Variants in CIT observed in about 807,000 individuals in gnomAD.
CIT encodes the protein citron Rho-interacting kinase.
A neutral mutation model predicts 272.7 loss-of-function variants in CIT; 79 were observed. The ratio of observed to expected loss-of-function variants is 0.29; its 90% CI spans 0.24 to 0.35. The LOEUF (loss-of-function observed/expected upper bound fraction) is 0.35, where lower values mean the gene tolerates loss of function less well. Among genes scored for constraint, CIT ranks in the 10% least tolerant of loss-of-function variants. The pLI, the probability that CIT is intolerant of heterozygous loss-of-function variation, is 1.00. For synonymous variants in CIT, 948 were observed against 995.6 expected, an observed-to-expected ratio of 0.95 and a Z score of 0.90; for missense variants, 1,909 against 2,618.3, an observed-to-expected ratio of 0.73 and a Z score of 5.91.
At chr12:119,695,367 G>T (rs1056549554) in intron 46 of CIT, among the ~76,000 whole-genome samples, 1 of 152,078 alleles carries the variant, frequency 6.6e-6, no homozygotes, top group Admixed American at 6.6e-5. Context: ...GCGACGCTCC[G>T]TGGAAAAGAC....
intron 22 of CIT, among the ~76,000 whole-genome samples, chr12:119,754,902 C>A (rs1055454928): frequency 6.6e-6 from 1 of 152,212 alleles, no homozygotes. Flanking sequence ...CTAAGAGGAA[C>A]ATTTGTGCAA....
At chr12:119,711,737 C>G (rs1220490016) in intron 37 of CIT, among the ~76,000 whole-genome samples, 2 of 152,206 alleles carry the variant, frequency 1.3e-5, no homozygotes, top group Non-Finnish European at 2.9e-5. Context: ...CTCACTGCAG[C>G]CTCAAACTCC....
intron 26 of CIT, among the ~76,000 whole-genome samples, chr12:119,733,383 A>T (rs1275869385): frequency 6.6e-6 from 1 of 152,000 alleles, no homozygotes; most frequent in Non-Finnish European, 1.5e-5. Flanking sequence ...ACAAAAAAAA[A>T]ATTAGCCGGG....
intron 9 of CIT, among the ~76,000 whole-genome samples, chr12:119,806,878 C>T (rs1269635239): frequency 1.3e-5 from 2 of 152,078 alleles, no homozygotes; most frequent in Non-Finnish European, 2.9e-5. Context: ...TGAAAGGAAC[C>T]AAACTGAACT....
Position 119,782,590 on chromosome 12 carries a change from C to G in CIT, c.1593G>C (p.Glu531Asp). ...GGAGAAGCTGCAGTGCTTTGTCATC[C>G]TCCTGGGACACCTCCATCCGTGCTT... ...LEQARMEVSQ[E>D]DDKALQLLHD... Residue 531 changes from glutamate (E) to aspartate (D), a missense_variant, in exon 13 of 48, where the codon GAG (glutamate) becomes GAC (aspartate). Transcript: ENST00000392521. The G allele has an allele frequency of 1.2e-6, 2 of 1,614,200 alleles. No individual in the cohort carries two copies. Among genetic ancestry groups the G allele is most frequent in the Non-Finnish European group, 1.7e-6 (2 of 1,180,038 alleles).
chr12:119,726,887 TA>T (rs2137187655), intron 28 of CIT, among the ~76,000 whole-genome samples: 2 of 152,330 alleles, frequency 1.3e-5, no homozygotes, highest in Non-Finnish European at 2.9e-5. Context: ...GGGATGGGTT[TA>T]GAAGATCAGT....
Position 119,710,388 on chromosome 12 carries a change from T to C in CIT, c.4936-2A>G, listed in dbSNP as rs768442945. 1 of 1,614,116 alleles carries C rather than the reference T, an allele frequency of 6.2e-7. No individual in the cohort carries two copies. Among genetic ancestry groups the C allele is most frequent in the Non-Finnish European group, 8.5e-7 (1 of 1,180,012 alleles). On this transcript the variant is annotated splice_acceptor_variant, in intron 38 of 47. Coordinates refer to ENST00000392521, the MANE Select transcript of CIT (RefSeq NM_001206999.2). LOFTEE classifies it high-confidence loss of function. This position sits in a 1 kb window ranked among gnomAD's most constrained non-coding sequence, Gnocchi z 5.6. Reference sequence around the variant, plus strand: ...TTCCTCGGTGCCCACCAACACCACCTGCAAGGGCAGAAGTCCGAAGGCAGA... The same window carrying C: ...TTCCTCGGTGCCCACCAACACCACCCGCAAGGGCAGAAGTCCGAAGGCAGA...
Position 119,718,587 on chromosome 12 carries a change from C to T in CIT, c.4003+112G>A, listed in dbSNP as rs910895246. 8.2e-6 allele frequency: 12 copies of T among 1,458,258 alleles called. No homozygotes were observed. Among genetic ancestry groups the T allele is most frequent in the African/African-American group, 5.6e-5 (4 of 71,424 alleles). The allele number at this position is 1,458,258 out of a possible 1,614,324, so 90.3% of individuals were successfully genotyped here. Reference sequence around the variant, plus strand: ...AGACATGGGATGTCTGGTCTGAAAGCGTATGGGCCATAAACGAAGACACTG... The same window carrying T: ...AGACATGGGATGTCTGGTCTGAAAGTGTATGGGCCATAAACGAAGACACTG... On this transcript the variant is annotated intron_variant, in intron 31 of 47. Transcript: ENST00000392521. This position sits in a 1 kb window ranked among gnomAD's most constrained non-coding sequence, Gnocchi z 4.8.
chr12:119,773,674 C>T (rs141142200), intron 16 of CIT, among the ~76,000 whole-genome samples: 25 of 152,246 alleles, frequency 1.6e-4, no homozygotes, highest in African/African-American at 3.1e-4. Context: ...CTCAGGAGTT[C>T]GCCTCAGCCT....
chr12:119,698,183 T>G (rs1956335623), intron 44 of CIT, 129 bp from the exon 45 acceptor site: 1 of 780,338 alleles, frequency 1.3e-6, no homozygotes, highest in Non-Finnish European at 2.2e-6. Context: ...CAAATACATA[T>G]CTATGCGCCA....
At chr12:119,702,884 T>C (rs1956671485) in intron 41 of CIT, among the ~76,000 whole-genome samples, 1 of 152,170 alleles carries the variant, frequency 6.6e-6, no homozygotes, top group Admixed American at 6.5e-5. Flanking sequence ...ATATTACCTA[T>C]GCAGTCATCA....
chr12:119,690,541 AC>A lies in CIT; in HGVS notation c.5883-88del. ...TCTTACCTGAGCAACCCCCTCCTTGACCCAGCCTCACCACTGATTATCAAGA... is the reference window on the plus strand; with the variant it reads ...TCTTACCTGAGCAACCCCCTCCTTGACCAGCCTCACCACTGATTATCAAGA... On this transcript the variant is annotated intron_variant, in intron 46 of 47. Transcript: ENST00000392521. This position sits in a 1 kb window ranked among gnomAD's most constrained non-coding sequence, Gnocchi z 6.0. The A allele has an allele frequency of 8.2e-7, 1 of 1,217,444 alleles. No homozygotes were observed. Among genetic ancestry groups the A allele is most frequent in the Non-Finnish European group, 1.1e-6 (1 of 898,776 alleles). 75.4% of individuals were successfully genotyped at this position (1,217,444 alleles called of 1,614,324 possible). A position where few individuals can be genotyped will look rare whatever the true frequency, so the allele number is the denominator to read the frequency against.
Position 119,718,949 on chromosome 12 carries a change from C to T in CIT, c.3841-88G>A, listed in dbSNP as rs1957688589. ...GAAATCTGACTCGGGAGGAGCAAAC[C>T]ACAAAAGCCAGGAGCATACTCACTG... On this transcript the variant is annotated intron_variant, in intron 30 of 47. Coordinates refer to ENST00000392521, the MANE Select transcript of CIT (RefSeq NM_001206999.2). The surrounding 1 kb of genome is among the most constrained non-coding windows in gnomAD (Gnocchi z 4.8). 1 of 1,335,764 alleles carries T rather than the reference C, an allele frequency of 7.5e-7. No individual in the cohort carries two copies. Among genetic ancestry groups the T allele is most frequent in the Admixed American group, 1.9e-5 (1 of 52,810 alleles). 82.7% of individuals were successfully genotyped at this position (1,335,764 alleles called of 1,614,324 possible). A position where few individuals can be genotyped will look rare whatever the true frequency, so the allele number is the denominator to read the frequency against.
At chr12:119,815,582 T>C (rs1256048797) in intron 9 of CIT, among the ~76,000 whole-genome samples, 1 of 151,986 alleles carries the variant, frequency 6.6e-6, no homozygotes, top group Non-Finnish European at 1.5e-5. Flanking sequence ...GGCGCATGCC[T>C]GTAATCCCAG....
At chr12:119,717,682 A>T (rs1957582209) in intron 32 of CIT, among the ~76,000 whole-genome samples, 1 of 151,578 alleles carries the variant, frequency 6.6e-6, no homozygotes, top group South Asian at 2.1e-4. Flanking sequence ...CAGCATCCCA[A>T]AGTGCTGGGA....
chr12:119,734,009 T>C (rs1009012878), intron 26 of CIT, among the ~76,000 whole-genome samples, 155 bp downstream of exon 26: 2 of 151,896 alleles, frequency 1.3e-5, no homozygotes, highest in Non-Finnish European at 2.9e-5. Context: ...CTATCCTGGT[T>C]TGCCCAAGAG....
At chr12:119,812,552 A>G (rs1966858715) in intron 9 of CIT, among the ~76,000 whole-genome samples, 1 of 147,620 alleles carries the variant, frequency 6.8e-6, no homozygotes. Flanking sequence ...CAATCCTCCC[A>G]CCTCAGCCTC....
intron 23 of CIT, among the ~76,000 whole-genome samples, chr12:119,746,568 C>T: frequency 6.6e-6 from 1 of 152,188 alleles, no homozygotes; most frequent in East Asian, 1.9e-4. Flanking sequence ...CCCTATTCCA[C>T]TTTCTTATTA....
At chr12:119,751,034 C>G (rs374808401) in intron 23 of CIT, among the ~76,000 whole-genome samples, 1 of 152,102 alleles carries the variant, frequency 6.6e-6, no homozygotes, top group East Asian at 1.9e-4. Flanking sequence ...AGAGGGCACC[C>G]TGACCAGCAG....
Sources: allele counts gnomAD v4.1 joint callset (sites outside exome capture counted in the v4.1 genomes callset), GRCh38; gene constraint gnomAD v4.1.1; non-coding constraint Gnocchi (gnomAD v3.1); transcripts MANE v1.5; gene names NCBI Gene and HGNC (gene_info 2026-07-23, HGNC 2026-07-21).